Variants in NEIL3 observed in about 807,000 individuals in gnomAD.
NEIL3 encodes the protein endonuclease 8-like 3.
A neutral mutation model predicts 57.5 loss-of-function variants in NEIL3; 48 were observed. The observed-to-expected ratio is 0.83, with a 90% CI of 0.66 to 1.06. The LOEUF is 1.06. Among genes scored for constraint, NEIL3 ranks in the 50% least tolerant of loss-of-function variants. The pLI is 0.00. For missense variants in NEIL3, 717 were observed against 739.1 expected, an observed-to-expected ratio of 0.97 and a Z score of 0.35; for synonymous variants, 261 against 253.2, an observed-to-expected ratio of 1.03 and a Z score of -0.29.
intron 4 of NEIL3, 130 bp downstream of exon 4, chr4:177,336,451 T>A: frequency 1.4e-6 from 1 of 707,868 alleles, no homozygotes; most frequent in Non-Finnish European, 2.3e-6. Flanking sequence ...TTCCCATTTC[T>A]ACCCAGGTCA....
rs148733920 is a variant in NEIL3, at chr4:177,362,354, G to T, written c.1701G>T (p.Lys567Asn). ...GTTCCACCATGAAAACAGTATTGAA[G>T]ATTGGACCTAACAATGGAAAGAATT... ...GKRSTMKTVL[K>N]IGPNNGKNFF... The change falls in exon 10 of 10, where the codon AAG becomes AAT. Residue 567 changes from lysine to asparagine, a missense_variant. Coordinates refer to ENST00000264596, the MANE Select transcript of NEIL3 (RefSeq NM_018248.3). The T allele has an allele frequency of 6.2e-7, 1 of 1,613,232 alleles. No individual in the cohort carries two copies. The highest frequency in any genetic ancestry group is 1.1e-5 in the South Asian group (1 of 90,934).
intron 2 of NEIL3, among the ~76,000 whole-genome samples, chr4:177,323,291 T>A (rs1349222212): frequency 6.6e-6 from 1 of 152,212 alleles, no homozygotes; most frequent in Non-Finnish European, 1.5e-5. Flanking sequence ...TTGCCAACTG[T>A]AAAAATTGAT....
chr4:177,347,772 A>G (rs933793414), intron 6 of NEIL3, among the ~76,000 whole-genome samples: 1 of 152,232 alleles, frequency 6.6e-6, no homozygotes, highest in Admixed American at 6.5e-5. Context: ...ATGAAAAACA[A>G]TAAAAAATTA....
intron 6 of NEIL3, among the ~76,000 whole-genome samples, chr4:177,344,763 T>G (rs1173909915): frequency 6.6e-6 from 1 of 152,152 alleles, no homozygotes; most frequent in East Asian, 1.9e-4. Flanking sequence ...GGTTTCACCA[T>G]GTGGGCCAGG....
the NEIL3 span, among the ~76,000 whole-genome samples, chr4:177,370,314 C>T: frequency 6.6e-6 from 1 of 152,168 alleles, no homozygotes; most frequent in East Asian, 1.9e-4. Flanking sequence ...CTCTTTCTCT[C>T]TCTACTTCTT....
At chr4:177,333,523 G>T (rs923221529) in intron 2 of NEIL3, among the ~76,000 whole-genome samples, 1 of 152,160 alleles carries the variant, frequency 6.6e-6, no homozygotes, top group Non-Finnish European at 1.5e-5. Context: ...TTAAAAAAGT[G>T]TATGAAGTAT....
chr4:177,331,064 A>G (rs1357773987), intron 2 of NEIL3, among the ~76,000 whole-genome samples: 1 of 152,232 alleles, frequency 6.6e-6, no homozygotes, highest in Non-Finnish European at 1.5e-5. Flanking sequence ...AACAACTAAA[A>G]TAAATGGACA....
At chr4:177,363,409 G>C (rs564890495), downstream of NEIL3, among the ~76,000 whole-genome samples, 2 of 152,132 alleles carry the variant, frequency 1.3e-5, no homozygotes, top group Non-Finnish European at 2.9e-5. Flanking sequence ...TAAGTATTTT[G>C]TTTTGACTCT....
chr4:177,328,254 T>C (rs750162432), intron 2 of NEIL3, among the ~76,000 whole-genome samples: 29 of 152,306 alleles, frequency 1.9e-4, no homozygotes, highest in Non-Finnish European at 3.2e-4. Flanking sequence ...TAATCTAACA[T>C]TCTTGTAACT....
chr4:177,367,592 C>T (rs1472181897), downstream of NEIL3, among the ~76,000 whole-genome samples: 1 of 152,202 alleles, frequency 6.6e-6, no homozygotes, highest in Non-Finnish European at 1.5e-5. Flanking sequence ...AGCAGCAGAA[C>T]CTGGACAGAG....
At chr4:177,371,185 TC>T in the NEIL3 span, among the ~76,000 whole-genome samples, 1 of 152,212 alleles carries the variant, frequency 6.6e-6, no homozygotes, top group Non-Finnish European at 1.5e-5. Flanking sequence ...ATATCTACCT[TC>T]CATATTAACA....
rs1347804509 is a variant in NEIL3, at chr4:177,360,626, G to A, written c.1584G>A (p.Arg528=). 2 of 1,613,872 alleles carry A rather than the reference G, an allele frequency of 1.2e-6. No homozygotes were observed. The highest frequency in any genetic ancestry group is 1.1e-5 in the South Asian group (1 of 91,022). The part of the protein sequence containing the change: ...VVGKDGENKG[R]QFYACPLPRE... ...GGAAGGATGGGGAAAACAAGGGCAG[G>A]CAGTTTTATGCCTGTCCTCTACCTA... Residue 528 remains arginine (R), a synonymous_variant, in exon 9 of 10, where the codon AGG becomes AGA. Coordinates refer to ENST00000264596, the MANE Select transcript of NEIL3 (RefSeq NM_018248.3).
At chr4:177,352,723 G>A (rs569901465) in intron 7 of NEIL3, among the ~76,000 whole-genome samples, 4 of 152,020 alleles carry the variant, frequency 2.6e-5, no homozygotes, top group East Asian at 1.9e-4. Context: ...CCAGCTACTC[G>A]GGAGTTTGAG....
intron 2 of NEIL3, among the ~76,000 whole-genome samples, chr4:177,334,767 C>G (rs1374477571): frequency 3.3e-5 from 5 of 152,124 alleles, no homozygotes. Flanking sequence ...CAATTAGAAG[C>G]ACAGAGCAGT....
Position 177,335,713 on chromosome 4 carries a change from A to G in NEIL3, c.304A>G (p.Ile102Val), listed in dbSNP as rs781587267. The change falls in exon 3 of 10, where the codon ATC becomes GTC. Residue 102 changes from isoleucine (I) to valine (V), a missense_variant. Ile to Val is a conservative substitution (Grantham distance 29, BLOSUM62 3). Coordinates refer to ENST00000264596, the MANE Select transcript of NEIL3 (RefSeq NM_018248.3). ...GATTCATTTCGGAATGAAAGGCTTC[A>G]TCATGATTAATCCACTTGAGTATAA... The part of the protein sequence containing the change: ...LRIHFGMKGF[I>V]MINPLEYKYK... The G allele has an allele frequency of 3.7e-6, 6 of 1,608,208 alleles. No homozygotes were observed. Among genetic ancestry groups the G allele is most frequent in the Middle Eastern group, 1.8e-4 (1 of 5,658 alleles).
chr4:177,352,131 GCA>G (rs368170014), intron 7 of NEIL3, among the ~76,000 whole-genome samples: 6 of 152,326 alleles, frequency 3.9e-5, no homozygotes, highest in African/African-American at 1.4e-4. Flanking sequence ...CCATCTCATT[GCA>G]GCGGCTTCTA....
chr4:177,354,055 C>T (rs1006851910), intron 8 of NEIL3: 3 of 229,680 alleles, frequency 1.3e-5, no homozygotes, highest in Non-Finnish European at 2.5e-5. Flanking sequence ...GCTTGAGCCA[C>T]CATGCCCGGC....
chr4:177,342,854 G>C (rs1238945553), intron 6 of NEIL3: 1 of 152,242 alleles, frequency 6.6e-6, no homozygotes, highest in Non-Finnish European at 1.5e-5. Context: ...AATAATAAAA[G>C]CTAGTTTTAC....
At chr4:177,322,354 G>A in intron 1 of NEIL3, 105 bp from the exon 2 acceptor site, 2 of 1,408,164 alleles carry the variant, frequency 1.4e-6, no homozygotes, top group Non-Finnish European at 2.0e-6. Context: ...TCATTGGAAT[G>A]CACCTGGGCG....
Sources: allele counts gnomAD v4.1 joint callset (sites outside exome capture counted in the v4.1 genomes callset), GRCh38; gene constraint gnomAD v4.1.1; transcripts MANE v1.5; gene names NCBI Gene and HGNC (gene_info 2026-07-23, HGNC 2026-07-21).